CHRM3: variants seen among roughly 807,000 people sequenced by gnomAD.
CHRM3 encodes cholinergic receptor muscarinic 3, also known as muscarinic acetylcholine receptor M3.
CHRM3 carries 11 observed loss-of-function variants against 41.8 expected under a neutral mutation model. That is an observed-to-expected ratio of 0.26 (90% confidence interval 0.17 to 0.44). The LOEUF (loss-of-function observed/expected upper bound fraction) is 0.44. Ranked by LOEUF, CHRM3 falls within the 20% of genes least tolerant of loss-of-function variation. The probability of loss-of-function intolerance (pLI) is 1.00; values close to 1 mark genes in which losing one functional copy is unlikely to be tolerated. For synonymous variants in CHRM3, 297 were observed against 301.4 expected (o/e 0.99, Z 0.15); for missense variants, 571 against 745.4 (o/e 0.77, Z 2.72).
chr1:239,661,358 G>A (rs1182203064), intron 4 of CHRM3, among the ~76,000 whole-genome samples: 1 of 152,100 alleles, frequency 6.6e-6, no homozygotes, highest in Non-Finnish European at 1.5e-5. Flanking sequence ...TCAAATTATG[G>A]ATATGGCTGA....
intron 5 of CHRM3, among the ~76,000 whole-genome samples, chr1:239,712,033 C>A (rs1661855874): frequency 6.6e-6 from 1 of 152,094 alleles, no homozygotes; most frequent in African/African-American, 2.4e-5. Context: ...CTCTAGTAAG[C>A]CCATTCAGAA....
At chr1:239,390,099 T>C (rs1263895345) in intron 1 of CHRM3, among the ~76,000 whole-genome samples, 1 of 152,236 alleles carries the variant, frequency 6.6e-6, no homozygotes. Context: ...TCTTTTATGT[T>C]TGTGAATTTA....
intron 2 of CHRM3, among the ~76,000 whole-genome samples, chr1:239,502,415 A>C (rs1331057286): frequency 6.6e-6 from 1 of 152,150 alleles, no homozygotes; most frequent in Non-Finnish European, 1.5e-5. Flanking sequence ...GACCAATAAC[A>C]AGCAGTGAGA....
At chr1:239,574,651 C>G (rs910565736) in intron 3 of CHRM3, among the ~76,000 whole-genome samples, 4 of 152,064 alleles carry the variant, frequency 2.6e-5, no homozygotes, top group Admixed American at 6.6e-5. Flanking sequence ...TTATAAGTTA[C>G]TTTTTACTGG....
intron 4 of CHRM3, among the ~76,000 whole-genome samples, chr1:239,672,177 G>A (rs766409089): frequency 3.3e-4 from 50 of 152,274 alleles, no homozygotes; most frequent in Non-Finnish European, 6.2e-4. Flanking sequence ...CCAGTGTGAC[G>A]TAGGTGGGAC....
chr1:239,539,332 C>T (rs1572646038), intron 2 of CHRM3, among the ~76,000 whole-genome samples: 1 of 152,148 alleles, frequency 6.6e-6, no homozygotes, highest in Non-Finnish European at 1.5e-5. Flanking sequence ...GTTAGAACTC[C>T]CCTAAGATGA....
At chr1:239,785,182 C>G (rs932599997) in intron 5 of CHRM3, among the ~76,000 whole-genome samples, 1 of 152,146 alleles carries the variant, frequency 6.6e-6, no homozygotes, top group Non-Finnish European at 1.5e-5. Context: ...CAGAGGGAAG[C>G]CTTCCAACCA....
intron 5 of CHRM3, among the ~76,000 whole-genome samples, chr1:239,801,540 C>A (rs1356064795): frequency 6.6e-6 from 1 of 152,080 alleles, no homozygotes; most frequent in Non-Finnish European, 1.5e-5. Flanking sequence ...TAACAATAAG[C>A]AGATTAGCTG....
At chr1:239,704,679 G>A (rs1056093362) in intron 5 of CHRM3, 6 of 152,114 alleles carry the variant, frequency 3.9e-5, no homozygotes, top group African/African-American at 1.4e-4. Flanking sequence ...CAAGGGACGA[G>A]GCTTATTTAT....
intron 2 of CHRM3, among the ~76,000 whole-genome samples, chr1:239,506,091 G>A (rs1039382874): frequency 6.6e-6 from 1 of 152,168 alleles, no homozygotes; most frequent in Non-Finnish European, 1.5e-5. Flanking sequence ...AAAAGAAACA[G>A]AGCATAAAAG....
chr1:239,590,463 T>C (rs1664001980), intron 3 of CHRM3, among the ~76,000 whole-genome samples: 2 of 152,184 alleles, frequency 1.3e-5, no homozygotes, highest in African/African-American at 2.4e-5. Context: ...AAAGGAAATA[T>C]AGCCAGTTCT....
intron 4 of CHRM3, 108 bp downstream of exon 4, chr1:239,632,394 A>G (rs1442732577): frequency 6.6e-6 from 1 of 152,224 alleles, no homozygotes; most frequent in Non-Finnish European, 1.5e-5. Context: ...GGTGTTTTCA[A>G]CATGATGTAC....
intron 5 of CHRM3, among the ~76,000 whole-genome samples, chr1:239,802,162 A>G (rs562995864): frequency 6.6e-6 from 1 of 152,346 alleles, no homozygotes; most frequent in East Asian, 1.9e-4. Context: ...GATGAAGCCA[A>G]GCAGCTTTGA....
intron 2 of CHRM3, among the ~76,000 whole-genome samples, chr1:239,493,630 G>A (rs1014130611): frequency 6.6e-6 from 1 of 152,154 alleles, no homozygotes; most frequent in Admixed American, 6.6e-5. Flanking sequence ...AGAGTTTTGT[G>A]TTTAATTAGT....
intron 2 of CHRM3, among the ~76,000 whole-genome samples, chr1:239,516,960 G>T (rs1411089721): frequency 1.3e-5 from 2 of 152,014 alleles, no homozygotes; most frequent in Non-Finnish European, 2.9e-5. Flanking sequence ...ATCACCCTAA[G>T]ATGTGACAAT....
At chr1:239,488,349 A>G (rs1009572129) in intron 1 of CHRM3, among the ~76,000 whole-genome samples, 13 of 152,154 alleles carry the variant, frequency 8.5e-5, no homozygotes, top group Non-Finnish European at 1.6e-4. Flanking sequence ...AGTGGACACA[A>G]CCAGAATGTT....
intron 5 of CHRM3, among the ~76,000 whole-genome samples, chr1:239,807,417 CT>C (rs1233373461): frequency 6.6e-6 from 1 of 152,090 alleles, no homozygotes. Context: ...CAATGAACAC[CT>C]TCTAAACTTA....
chr1:239,795,520 G>C (rs1669696486), intron 5 of CHRM3, among the ~76,000 whole-genome samples: 1 of 152,160 alleles, frequency 6.6e-6, no homozygotes, highest in East Asian at 1.9e-4. Context: ...CCACTGTGTG[G>C]AAGTTGGCTC....
rs542477280 is a variant in CHRM3 at position 239,834,698 on chromosome 1, G to A, written c.-20+7320G>A. ...TCTTTCTGAGTATTCATGCCTCCTC[G>A]CTCAGACCTAGAGCACAACACTTGA... On this transcript the variant is annotated intron_variant, in intron 6 of 6. Coordinates refer to ENST00000676153, the MANE Select transcript of CHRM3 (RefSeq NM_001375978.1). Among the ~76,000 whole-genome samples, 3 of 152,056 alleles carry A rather than the reference G, an allele frequency of 2.0e-5. No homozygotes were observed. In the South Asian group the frequency reaches 6.3e-4, roughly 32 times the overall value.
Sources: allele counts gnomAD v4.1 joint callset (sites outside exome capture counted in the v4.1 genomes callset), GRCh38; gene constraint gnomAD v4.1.1; transcripts MANE v1.5; gene names NCBI Gene and HGNC (gene_info 2026-07-23, HGNC 2026-07-21).